The following SPEG variants were observed in gnomAD, a reference collection of about 807,000 sequenced individuals.
The protein encoded by SPEG is striated muscle preferentially expressed protein kinase.
Under a neutral mutation model 300.4 loss-of-function variants are expected in SPEG, and 114 were observed. That is an observed-to-expected ratio of 0.38 (90% CI 0.33 to 0.44). The LOEUF (loss-of-function observed/expected upper bound fraction) is 0.44, where lower values mean the gene tolerates loss of function less well. Among genes scored for constraint, SPEG ranks in the 20% least tolerant of loss-of-function variants. SPEG has a pLI of 1.00. For missense variants in SPEG, 4,201 were observed against 4,586.2 expected, an observed-to-expected ratio of 0.92 and a Z score of 2.43; for synonymous variants, 1,964 against 2,018.9, an observed-to-expected ratio of 0.97 and a Z score of 0.73.
intron 1 of SPEG, among the ~76,000 whole-genome samples, chr2:219,437,016 A>C (rs1954737359): frequency 1.3e-5 from 2 of 152,190 alleles, no homozygotes; most frequent in Admixed American, 1.3e-4. Flanking sequence ...AAAGGACCAC[A>C]GAGAACTGCA....
chr2:219,493,183 G>C lies in SPEG; in HGVS notation c.*397G>C, dbSNP rs947973975. 2.5e-6 allele frequency: 1 copy of C among 404,474 alleles called. No individual in the cohort carries two copies. Among genetic ancestry groups the C allele is most frequent in the South Asian group, 2.0e-5 (1 of 50,228 alleles). 25.1% of individuals were successfully genotyped at this position (404,474 alleles called of 1,614,324 possible). ...GGCTGGAGAGGAGGAAAAGGAAGGA[G>C]CCCCAGGTGTCAGGGCAGTAGGCTG... On this transcript the variant is annotated 3_prime_UTR_variant, in exon 41 of 41. Transcript: ENST00000312358.
chr2:219,441,415 T>C (rs571409686), intron 1 of SPEG: 434 of 441,444 alleles, frequency 9.8e-4, no homozygotes, highest in Non-Finnish European at 1.6e-3. Flanking sequence ...TCTGAGTCCA[T>C]GTTAACACGC....
chr2:219,469,553 C>CCCG (rs1452080589), intron 13 of SPEG, among the ~76,000 whole-genome samples, 174 bp downstream of exon 13: 2 of 152,172 alleles, frequency 1.3e-5, no homozygotes, highest in African/African-American at 4.8e-5. Context: ...CCCCTGCAAG[C>CCCG]CCACACAGCA....
chr2:219,474,929 T>C (rs1692209659), intron 18 of SPEG, among the ~76,000 whole-genome samples: 1 of 151,854 alleles, frequency 6.6e-6, no homozygotes, highest in African/African-American at 2.4e-5. Context: ...ACTACAGGCT[T>C]GCACAACCAC....
Position 219,481,536 on chromosome 2 carries a change from T to C in SPEG, c.5522+80T>C. The C allele has an allele frequency of 6.2e-7, 1 of 1,605,924 alleles. No individual in the cohort carries two copies. On this transcript the variant is annotated intron_variant, in intron 27 of 40. Transcript: ENST00000312358. This position sits in a 1 kb window ranked among gnomAD's most constrained non-coding sequence, Gnocchi z 5.4. ...CCTGCTACTCCCAAACTCCTGCCCC[T>C]CGACATGCAAGCCCCCAACTCCTTA...
At position 219,479,680 on chromosome 2, in the gene SPEG, C is replaced by T. The variant is rs1692650090; in HGVS notation, c.5086-103C>T. On this transcript the variant is annotated intron_variant, in intron 23 of 40. Coordinates refer to ENST00000312358, the MANE Select transcript of SPEG (RefSeq NM_005876.5). The surrounding 1 kb of genome is among the most constrained non-coding windows in gnomAD (Gnocchi z 5.5). ...TGTTTCAGCCCCTTCCACGAGCCAT[C>T]TGAAGGCTACTCCACAGGCACAGCC... The T allele has an allele frequency of 9.6e-7, 1 of 1,045,930 alleles. No individual in the cohort carries two copies. Among genetic ancestry groups the T allele is most frequent in the Admixed American group, 1.7e-5 (1 of 58,470 alleles). The allele number at this position is 1,045,930 out of a possible 1,614,324, so 64.8% of individuals were successfully genotyped here.
intron 1 of SPEG, among the ~76,000 whole-genome samples, chr2:219,437,610 T>A (rs1230560617): frequency 6.6e-6 from 1 of 152,068 alleles, no homozygotes; most frequent in East Asian, 1.9e-4. Context: ...GTCCTGATTG[T>A]GTAGATAGAA....
At position 219,468,958 on chromosome 2, in the gene SPEG, A is replaced by T. The variant is rs756203339; in HGVS notation, c.3401A>T (p.Tyr1134Phe). ...AHVGSEDEGL[Y>F]AVSAVNTHGQ... The stretch of plus-strand genomic sequence containing the variant: ...GTGGGCAGCGAGGACGAGGGGCTCT[A>T]TGCGGTCAGTGCTGTTAACACCCAT... Residue 1134 changes from tyrosine (Y) to phenylalanine (F), a missense_variant, in exon 12 of 41, where the codon TAT becomes TTT. Physicochemically the swap from Tyr to Phe is conservative, Grantham distance 22. Around this residue, in one of 4 missense-constraint regions of SPEG, gnomAD observed 1,047 missense variants for 1,356.8 expected, o/e 0.77. Transcript: ENST00000312358. The T allele has an allele frequency of 2.5e-6, 4 of 1,613,942 alleles. No homozygotes were observed. Among genetic ancestry groups the T allele is most frequent in the Non-Finnish European group, 3.4e-6 (4 of 1,179,996 alleles).
At chr2:219,447,434 C>T (rs1689387927) in intron 3 of SPEG, among the ~76,000 whole-genome samples, 1 of 152,144 alleles carries the variant, frequency 6.6e-6, no homozygotes, top group Non-Finnish European at 1.5e-5. Flanking sequence ...GGATGGGGCA[C>T]TGCCCCCCAA....
intron 15 of SPEG, 69 bp downstream of exon 15, chr2:219,472,400 C>T: frequency 7.3e-7 from 1 of 1,372,972 alleles, no homozygotes; most frequent in Non-Finnish European, 1.0e-6. Flanking sequence ...GGCAGGACAC[C>T]ATGGGGGCCA....
intron 31 of SPEG, among the ~76,000 whole-genome samples, chr2:219,487,390 T>C (rs1300606905): frequency 1.3e-5 from 2 of 152,146 alleles, no homozygotes; most frequent in Non-Finnish European, 2.9e-5. Context: ...ACAAGAGAAG[T>C]TAGTATTTAT....
intron 6 of SPEG, 162 bp from the exon 7 acceptor site, chr2:219,461,720 G>T: frequency 1.2e-6 from 1 of 865,674 alleles, no homozygotes; most frequent in East Asian, 2.7e-5. Context: ...CTCAGGGAGG[G>T]GAAGAAGCTG....
chr2:219,483,894 G>T lies in SPEG; in HGVS notation c.6431G>T (p.Arg2144Leu), dbSNP rs768837753. 6.2e-7 allele frequency: 1 copy of T among 1,600,294 alleles called. No individual in the cohort carries two copies. The highest frequency in any genetic ancestry group is 2.2e-5 in the East Asian group (1 of 44,766). ...GCGGAGCCCCGGGGCCGGCACCGCC[G>T]AGCGGGGGCGCCCCTCGAGATCCCC... ...GEAEPRGRHR[R>L]AGAPLEIPVA... is the part of the protein sequence containing the mutation. Residue 2144 changes from arginine (R) to leucine (L), a missense_variant, in exon 30 of 41, where the codon CGA becomes CTA. Around this residue, in one of 4 missense-constraint regions of SPEG, gnomAD observed 1,578 missense variants for 1,506.0 expected, o/e 1.05. Transcript: ENST00000312358.
chr2:219,492,073 C>A (rs201436410), intron 39 of SPEG, 38 bp from the exon 40 acceptor site: 2 of 1,586,392 alleles, frequency 1.3e-6, no homozygotes, highest in African/African-American at 2.7e-5. Context: ...TGTTGGCCTC[C>A]GGTCTGCATA....
At position 219,485,447 on chromosome 2, in the gene SPEG, T is replaced by A. The variant is rs56006044; in HGVS notation, c.7711T>A (p.Leu2571Met). ...CCTCTCTGCCAGCGTCCAGGAGGAG[T>A]TGGGTCACCAGTACGTGCGCAGTGA... ...PNLSASVQEE[L>M]GHQYVRSESD... The change falls in exon 31 of 41, where the codon TTG (leucine) becomes ATG (methionine). Residue 2571 changes from leucine to methionine, a missense_variant. Around this residue, in one of 4 missense-constraint regions of SPEG, gnomAD observed 1,578 missense variants for 1,506.0 expected, o/e 1.05. Transcript: ENST00000312358. The A allele has an allele frequency of 9.3e-5, 148 of 1,598,466 alleles. No individual in the cohort carries two copies. Among genetic ancestry groups the A allele is most frequent in the Non-Finnish European group, 1.2e-4 (144 of 1,172,122 alleles).
chr2:219,450,792 G>A (rs3755058), intron 4 of SPEG: 176,334 of 181,462 alleles, frequency 0.97, 85,863 homozygotes, highest in Non-Finnish European at 1. Flanking sequence ...TGCCTTGCAT[G>A]GGGCCTGGTA....
intron 9 of SPEG, chr2:219,466,211 C>T (rs938401861): frequency 3.4e-6 from 5 of 1,464,784 alleles, no homozygotes; most frequent in African/African-American, 2.8e-5. Flanking sequence ...CCCTCCCCAC[C>T]CCATGCAGCC....
chr2:219,487,287 G>A (rs1332096946), intron 31 of SPEG, among the ~76,000 whole-genome samples: 1 of 152,212 alleles, frequency 6.6e-6, no homozygotes, highest in Non-Finnish European at 1.5e-5. Flanking sequence ...TAGCTGTGAA[G>A]GCAGCTTCTC....
rs776578964 is a variant in SPEG, at chr2:219,473,654, C to T, written c.4271+27C>T. On this transcript the variant is annotated intron_variant, in intron 17 of 40. Coordinates refer to ENST00000312358, the MANE Select transcript of SPEG (RefSeq NM_005876.5). This position sits in a 1 kb window ranked among gnomAD's most constrained non-coding sequence, Gnocchi z 4.6. ...TGGGCCCCTTTCCCACATGTGGCAG[C>T]CCAGGTCTGGCCCAGCCTGGCCGGA... 6.2e-7 allele frequency: 1 copy of T among 1,614,088 alleles called. No individual in the cohort carries two copies. Among genetic ancestry groups the T allele is most frequent in the Non-Finnish European group, 8.5e-7 (1 of 1,179,996 alleles).
Sources: allele counts gnomAD v4.1 joint callset (sites outside exome capture counted in the v4.1 genomes callset), GRCh38; gene constraint gnomAD v4.1.1; regional missense constraint gnomAD v4.1.1; non-coding constraint Gnocchi (gnomAD v3.1); transcripts MANE v1.5; gene names NCBI Gene and HGNC (gene_info 2026-07-23, HGNC 2026-07-21).